Variants in PRKCH observed in about 807,000 individuals in gnomAD.
The protein encoded by PRKCH is protein kinase C eta type.
PRKCH carries 28 observed loss-of-function variants against 82.5 expected under a neutral mutation model. That is an observed-to-expected ratio of 0.34 (90% CI 0.25 to 0.47). The LOEUF is 0.47. Among genes scored for constraint, PRKCH ranks in the 20% least tolerant of loss-of-function variants. The pLI, the probability that PRKCH is intolerant of heterozygous loss-of-function variation, is 1.00. For synonymous variants in PRKCH, 322 were observed against 327.4 expected (o/e 0.98, Z 0.18); for missense variants, 705 against 881.8 (o/e 0.80, Z 2.54).
intron 2 of PRKCH, among the ~76,000 whole-genome samples, chr14:61,418,545 G>A (rs1315784179): frequency 6.6e-6 from 1 of 152,226 alleles, no homozygotes; most frequent in Non-Finnish European, 1.5e-5. Context: ...GCCTAAGCAT[G>A]GGGTAGGTGC....
chr14:61,200,404 T>A (rs1363490243), intron 1 of PRKCH, among the ~76,000 whole-genome samples: 1 of 151,766 alleles, frequency 6.6e-6, no homozygotes, highest in Non-Finnish European at 1.5e-5. Context: ...TGTGTGTGTG[T>A]GTGTGTTTGT....
At position 61,201,770 on chromosome 14, in the gene PRKCH, G is replaced by A. The variant is rs978326747; in HGVS notation, c.-19+14102G>A. 5.9e-5 allele frequency among the ~76,000 whole-genome samples: 9 copies of A among 152,150 alleles called. 1 individual carries two copies. Among genetic ancestry groups the A allele is most frequent in the South Asian group, 2.1e-4 (1 of 4,830 alleles). On this transcript the variant is annotated intron_variant, in intron 1 of 3. Transcript: ENST00000555185. ...TGGTTAATATATGTGAGTCAAATTC[G>A]TAATTTTTTAAAGCACTATTCAAGA...
chr14:61,329,772 C>A (rs79881313), intron 1 of PRKCH, among the ~76,000 whole-genome samples: 141 of 152,306 alleles, frequency 9.3e-4, no homozygotes, highest in Non-Finnish European at 1.5e-3. Context: ...TCCTAGTGTT[C>A]CCTCAGTATC....
intron 2 of PRKCH, among the ~76,000 whole-genome samples, chr14:61,394,698 T>G (rs1462282373): frequency 6.6e-6 from 1 of 152,232 alleles, no homozygotes. Context: ...TTGTATTTAT[T>G]TCTTAGTTTC....
At chr14:61,438,254 T>G (rs1337986541) in intron 2 of PRKCH, among the ~76,000 whole-genome samples, 4 of 152,122 alleles carry the variant, frequency 2.6e-5, no homozygotes, top group African/African-American at 9.7e-5. Flanking sequence ...GGCTGTTCTG[T>G]TTTCTCAGTG....
intron 12 of PRKCH, among the ~76,000 whole-genome samples, chr14:61,540,541 TA>T (rs2043170245): frequency 6.6e-6 from 1 of 152,214 alleles, no homozygotes; most frequent in Non-Finnish European, 1.5e-5. Context: ...TCCTAATCTT[TA>T]AATTAGGAAT....
At chr14:61,364,656 G>C (rs1210634333) in intron 1 of PRKCH, among the ~76,000 whole-genome samples, 1 of 151,872 alleles carries the variant, frequency 6.6e-6, no homozygotes. Flanking sequence ...GGGCAACATG[G>C]TGAAACCCCA....
intron 1 of PRKCH, among the ~76,000 whole-genome samples, chr14:61,378,284 A>T (rs2046452010): frequency 6.8e-6 from 1 of 147,170 alleles, no homozygotes; most frequent in Non-Finnish European, 1.5e-5. Context: ...AAGTGGTGTG[A>T]TCACTGCAGC....
intron 2 of PRKCH, among the ~76,000 whole-genome samples, chr14:61,408,420 T>TA (rs1487044247): frequency 6.6e-6 from 1 of 152,168 alleles, no homozygotes; most frequent in African/African-American, 2.4e-5. Context: ...TGTTAATCCT[T>TA]ACAGTCAAAA....
intron 1 of PRKCH, among the ~76,000 whole-genome samples, chr14:61,200,677 A>G (rs989927223): frequency 3.9e-5 from 6 of 152,194 alleles, no homozygotes; most frequent in African/African-American, 1.2e-4. Context: ...ACGATTAACC[A>G]TGGTCTGAAA....
intron 1 of PRKCH, among the ~76,000 whole-genome samples, chr14:61,256,365 T>C (rs2044997761): frequency 6.6e-6 from 1 of 152,206 alleles, no homozygotes; most frequent in East Asian, 1.9e-4. Flanking sequence ...GTTGCTAACC[T>C]GAATTCCCCG....
At chr14:61,470,554 G>T (rs1455115834) in intron 9 of PRKCH, among the ~76,000 whole-genome samples, 1 of 152,066 alleles carries the variant, frequency 6.6e-6, no homozygotes, top group Non-Finnish European at 1.5e-5. Flanking sequence ...TTTGCTGGAG[G>T]GCTTTGGCAT....
At chr14:61,334,869 A>G (rs532543107) in intron 1 of PRKCH, among the ~76,000 whole-genome samples, 2 of 151,888 alleles carry the variant, frequency 1.3e-5, no homozygotes, top group East Asian at 3.9e-4. Flanking sequence ...TTAATTAATT[A>G]ATTTATTTAA....
At chr14:61,201,773 A>C (rs1307645490) in intron 1 of PRKCH, among the ~76,000 whole-genome samples, 1 of 152,158 alleles carries the variant, frequency 6.6e-6, no homozygotes, top group Admixed American at 6.5e-5. Context: ...CAAATTCGTA[A>C]TTTTTTAAAG....
At chr14:61,238,242 G>T (rs1184193680) in intron 1 of PRKCH, among the ~76,000 whole-genome samples, 1 of 152,146 alleles carries the variant, frequency 6.6e-6, no homozygotes, top group Non-Finnish European at 1.5e-5. Context: ...TTGGGTTCCT[G>T]TGTCAAGGAG....
In PRKCH at chr14:61,280,857, G is replaced by T. The variant is rs571007446; in HGVS notation, c.-19+93189G>T. Reference sequence around the variant, plus strand: ...CCTGGAAGAGCTCGGGCAGCGAGAAGTACCAGGCGCACGAGCAGGGGGGCG... The same window carrying T: ...CCTGGAAGAGCTCGGGCAGCGAGAATTACCAGGCGCACGAGCAGGGGGGCG... On this transcript the variant is annotated intron_variant, in intron 1 of 3. Transcript: ENST00000555185. The surrounding 1 kb of genome is among the most constrained non-coding windows in gnomAD (Gnocchi z 5.0). 3.1e-5 allele frequency: 48 copies of T among 1,570,124 alleles called. No individual in the cohort carries two copies. In the South Asian group the frequency reaches 5.1e-4, roughly 17 times the overall value.
At chr14:61,347,475 G>T (rs763584418) in intron 1 of PRKCH, among the ~76,000 whole-genome samples, 1 of 152,168 alleles carries the variant, frequency 6.6e-6, no homozygotes, top group Non-Finnish European at 1.5e-5. Flanking sequence ...CTCCTGCCTT[G>T]CTGGGCTTAA....
At position 61,418,052 on chromosome 14, in the gene PRKCH, C is replaced by T. The variant is rs570493608; in HGVS notation, c.428-25059C>T. Among the ~76,000 whole-genome samples the T allele has an allele frequency of 1.1e-4, 16 of 152,308 alleles. No homozygotes were observed. The South Asian group carries it at 2.5e-3, about 24-fold the overall frequency. On this transcript the variant is annotated intron_variant, in intron 2 of 13. Coordinates refer to ENST00000332981, the MANE Select transcript of PRKCH (RefSeq NM_006255.5). The stretch of plus-strand genomic sequence containing the variant: ...CTCCACCCTGCAATTGTCTTACATA[C>T]GGAATAGTTCCTGGAGAAAGATCTA...
chr14:61,484,077 C>T (rs1594753240), intron 9 of PRKCH, among the ~76,000 whole-genome samples: 1 of 152,170 alleles, frequency 6.6e-6, no homozygotes, highest in East Asian at 1.9e-4. Context: ...TATCTGCATC[C>T]GTTGGTAAAA....
Sources: gnomAD v4.1 joint callset for allele counts (sites outside exome capture counted in the v4.1 genomes callset) on GRCh38, gnomAD v4.1.1 for gene constraint, Gnocchi (gnomAD v3.1) non-coding constraint, MANE v1.5 for transcripts, NCBI Gene and HGNC (gene_info 2026-07-23, HGNC 2026-07-21) for gene names.